The following PTAFR variants were observed in gnomAD, a reference collection of about 807,000 sequenced individuals.
PTAFR encodes platelet-activating factor receptor.
Under a neutral mutation model 14.7 loss-of-function variants are expected in PTAFR, and 8 were observed. The observed-to-expected ratio is 0.54, with a 90% CI of 0.32 to 0.98. The LOEUF (loss-of-function observed/expected upper bound fraction) is 0.98, where lower values mean the gene tolerates loss of function less well. PTAFR is among the 50% of genes least tolerant of loss of function. PTAFR has a pLI of 0.04. For missense variants in PTAFR, 337 were observed against 451.2 expected, an observed-to-expected ratio of 0.75 and a Z score of 2.29; for synonymous variants, 156 against 176.5, an observed-to-expected ratio of 0.88 and a Z score of 0.92.
intron 1 of PTAFR, among the ~76,000 whole-genome samples, chr1:28,190,901 C>T (rs968979193): frequency 2.0e-5 from 3 of 152,176 alleles, no homozygotes; most frequent in Non-Finnish European, 2.9e-5. Context: ...AACGGTGTCA[C>T]CTTGGACAAG....
upstream of PTAFR, among the ~76,000 whole-genome samples, chr1:28,180,089 C>T (rs1336061880): frequency 4.6e-5 from 7 of 151,992 alleles, no homozygotes; most frequent in Admixed American, 2.6e-4. Flanking sequence ...CGGAAGGATC[C>T]CCTGAGCCCA....
At chr1:28,164,573 C>T (rs1366388330) in intron 1 of PTAFR, among the ~76,000 whole-genome samples, 10 of 152,180 alleles carry the variant, frequency 6.6e-5, no homozygotes, top group Admixed American at 5.9e-4. Flanking sequence ...AGATCATCTT[C>T]GTGAGGCTGG....
At chr1:28,184,562 G>A (rs776762059) in intron 1 of PTAFR, among the ~76,000 whole-genome samples, 4 of 151,900 alleles carry the variant, frequency 2.6e-5, no homozygotes, top group South Asian at 2.1e-4. Context: ...CCTACATCTC[G>A]CTCCCTCCAC....
At chr1:28,162,813 A>C (rs928695765) in intron 1 of PTAFR, among the ~76,000 whole-genome samples, 7 of 131,878 alleles carry the variant, frequency 5.3e-5, no homozygotes, top group African/African-American at 2.1e-4. Context: ...TGGGCGACAG[A>C]GCGAGACTTT....
intron 1 of PTAFR, among the ~76,000 whole-genome samples, chr1:28,169,864 G>A (rs1646432854): frequency 6.6e-6 from 1 of 152,154 alleles, no homozygotes; most frequent in Admixed American, 6.5e-5. Flanking sequence ...ACCAGGCATG[G>A]TGGTGCATGC....
chr1:28,163,641 A>G (rs745609719), intron 1 of PTAFR, among the ~76,000 whole-genome samples: 11 of 152,134 alleles, frequency 7.2e-5, no homozygotes, highest in Non-Finnish European at 1.5e-4. Flanking sequence ...CAATCCTAAC[A>G]ATGGTTTCAA....
At chr1:28,155,179 C>T (rs1172800626) in intron 1 of PTAFR, among the ~76,000 whole-genome samples, 1 of 152,116 alleles carries the variant, frequency 6.6e-6, no homozygotes, top group Non-Finnish European at 1.5e-5. Context: ...TTTGAATGCT[C>T]TTCCCTACCC....
At chr1:28,172,052 A>G (rs1353436493) in intron 1 of PTAFR, among the ~76,000 whole-genome samples, 1 of 151,998 alleles carries the variant, frequency 6.6e-6, no homozygotes, top group Non-Finnish European at 1.5e-5. Flanking sequence ...ATCTCAGTCT[A>G]TCACCTAGGC....
Position 28,156,889 on chromosome 1 carries a change from C to T in PTAFR, c.-38-5830G>A, listed in dbSNP as rs536018918. On this transcript the variant is annotated intron_variant, in intron 1 of 1. Coordinates refer to ENST00000373857, the MANE Select transcript of PTAFR (RefSeq NM_000952.5). ...GCCTGTGTGGTGGCTGGGGGCAGCT[C>T]ACAGCTGGGCAGGGCATGGTGCTCA... Among the ~76,000 whole-genome samples the T allele has an allele frequency of 7.8e-3, 1,190 of 152,202 alleles. 20 individuals carry two copies. Among genetic ancestry groups the T allele is most frequent in the African/African-American group, 0.027 (1,126 of 41,524 alleles).
rs1455075125 is a variant in PTAFR at position 28,150,213 on chromosome 1, G to T, written c.809C>A (p.Ala270Asp). The T allele has an allele frequency of 1.2e-6, 2 of 1,613,862 alleles. No individual in the cohort carries two copies. Residue 270 changes from alanine to aspartate, a missense_variant, in exon 2 of 2, where the codon GCC becomes GAC. Ala to Asp is a moderately radical substitution (Grantham distance 126). Coordinates refer to ENST00000373857, the MANE Select transcript of PTAFR (RefSeq NM_000952.5). The surrounding 1 kb of genome is among the most constrained non-coding windows in gnomAD (Gnocchi z 6.3). ...GGTGACCTGATGTGCATCATTAATGGCCTGGTGGAATTTGCTGTCCTGGAA... is the reference window on the plus strand; with the variant it reads ...GGTGACCTGATGTGCATCATTAATGTCCTGGTGGAATTTGCTGTCCTGGAA... ...LGFQDSKFHQ[A>D]INDAHQVTLC...
chr1:28,154,811 C>CA (rs35917959), intron 1 of PTAFR, among the ~76,000 whole-genome samples: 19,446 of 36,978 alleles, frequency 0.53, 4,249 homozygotes, highest in African/African-American at 0.54. Flanking sequence ...GACTCTGTCT[C>CA]AAAAAAAAAA....
intron 1 of PTAFR, among the ~76,000 whole-genome samples, chr1:28,159,641 C>T (rs971727364): frequency 1.3e-5 from 2 of 151,878 alleles, no homozygotes; most frequent in Admixed American, 1.3e-4. Context: ...AGTTCCAGAC[C>T]AGCCTGGCCA....
At chr1:28,160,669 C>T (rs950251866) in intron 1 of PTAFR, among the ~76,000 whole-genome samples, 4 of 151,322 alleles carry the variant, frequency 2.6e-5, no homozygotes, top group African/African-American at 9.7e-5. Flanking sequence ...AGATTGTATA[C>T]TTGGGTCTAT....
Position 28,151,078 on chromosome 1 carries a change from AT to A in PTAFR, c.-38-20del. 1 of 1,415,488 alleles carries A rather than the reference AT, an allele frequency of 7.1e-7. No individual in the cohort carries two copies. The highest frequency in any genetic ancestry group is 1.4e-5 in the African/African-American group (1 of 69,604). The allele number at this position is 1,415,488 out of a possible 1,614,324, so 87.7% of individuals were successfully genotyped here. A position where few individuals can be genotyped will look rare whatever the true frequency, so the allele number is the denominator to read the frequency against. On this transcript the variant is annotated intron_variant, in intron 1 of 1. Transcript: ENST00000373857. ...GTGGTGCCTGGAAGACCACACAAAA[AT>A]TCTGGTTAATAAAGGGACAAGAAGG...
chr1:28,172,730 G>C (rs552666078), intron 1 of PTAFR, among the ~76,000 whole-genome samples: 1 of 152,202 alleles, frequency 6.6e-6, no homozygotes, highest in African/African-American at 2.4e-5. Flanking sequence ...TAGCCGGAGA[G>C]AAAGCATAGG....
At chr1:28,175,768 C>T (rs1036751153) in intron 1 of PTAFR, among the ~76,000 whole-genome samples, 1 of 152,136 alleles carries the variant, frequency 6.6e-6, no homozygotes, top group African/African-American at 2.4e-5. Context: ...CTAAGTACCC[C>T]GCCCTGTACC....
intron 1 of PTAFR, among the ~76,000 whole-genome samples, chr1:28,167,633 ATTTTTTTTTTTTT>A (rs780344665): frequency 1.1e-4 from 9 of 80,250 alleles, no homozygotes; most frequent in South Asian, 4.8e-4. Flanking sequence ...TGAAAACGGG[ATTTTTTTTTTTTT>A]TTTTTTTTTT....
At chr1:28,167,514 C>T (rs1254096079) in intron 1 of PTAFR, among the ~76,000 whole-genome samples, 1 of 151,644 alleles carries the variant, frequency 6.6e-6, no homozygotes, top group Non-Finnish European at 1.5e-5. Context: ...GATTCCAAAA[C>T]GGTGCAGCCA....
In PTAFR at chr1:28,191,586, AAGAG is replaced by A. The variant is rs35747744; in HGVS notation, c.-39+2132_-39+2135del. ...TCATCTCTACAAAAAGAAAAAAGAA[AAGAG>A]AGAGAGAGAGAGAGAGAGAGAGAGA... On this transcript the variant is annotated intron_variant, in intron 1 of 1. Transcript: ENST00000305392. Among the ~76,000 whole-genome samples the A allele has an allele frequency of 4.9e-3, 710 of 145,446 alleles. 1 individual carries two copies. Among genetic ancestry groups the A allele is most frequent in the Non-Finnish European group, 7.9e-3 (521 of 66,166 alleles).
Sources: gnomAD v4.1 joint callset for allele counts (sites outside exome capture counted in the v4.1 genomes callset) on GRCh38, gnomAD v4.1.1 for gene constraint, Gnocchi (gnomAD v3.1) non-coding constraint, MANE v1.5 for transcripts, NCBI Gene and HGNC (gene_info 2026-07-23, HGNC 2026-07-21) for gene names.